The following FYN variants were observed in gnomAD, a reference collection of about 807,000 sequenced individuals.
FYN encodes the protein FYN proto-oncogene, Src family tyrosine kinase.
Under a neutral mutation model 70.2 loss-of-function variants are expected in FYN, and 10 were observed. The observed-to-expected ratio is 0.14, with a 90% CI of 0.09 to 0.24. The LOEUF (loss-of-function observed/expected upper bound fraction) is 0.24. FYN is among the 10% of genes least tolerant of loss of function. FYN has a pLI of 1.00. For synonymous variants in FYN, 236 were observed against 248.6 expected (o/e 0.95, Z 0.48); for missense variants, 319 against 673.1 (o/e 0.47, Z 5.82).
intron 1 of FYN, among the ~76,000 whole-genome samples, 153 bp downstream of exon 1, chr6:111,872,815 C>A (rs1189708722): frequency 6.6e-6 from 1 of 151,644 alleles, no homozygotes; most frequent in Non-Finnish European, 1.5e-5. Context: ...CCCCAAGCAC[C>A]GACTCCCCGG....
intron 3 of FYN, among the ~76,000 whole-genome samples, chr6:111,768,106 T>C (rs763658913): frequency 2.6e-5 from 4 of 152,218 alleles, no homozygotes; most frequent in Non-Finnish European, 4.4e-5. Flanking sequence ...AATATGTGCA[T>C]GTATGTGTGT....
chr6:111,761,767 T>G (rs1363665350), intron 3 of FYN, among the ~76,000 whole-genome samples: 3 of 152,132 alleles, frequency 2.0e-5, no homozygotes, highest in Non-Finnish European at 4.4e-5. Context: ...CAGTGGCTGC[T>G]GGGACCTCCA....
At chr6:111,765,193 T>C (rs1803182603) in intron 3 of FYN, among the ~76,000 whole-genome samples, 1 of 152,068 alleles carries the variant, frequency 6.6e-6, no homozygotes, top group Non-Finnish European at 1.5e-5. Context: ...CAGAAGAATT[T>C]TTATACCTAT....
intron 2 of FYN, among the ~76,000 whole-genome samples, chr6:111,831,163 T>A (rs1773005498): frequency 6.6e-6 from 1 of 152,140 alleles, no homozygotes; most frequent in African/African-American, 2.4e-5. Context: ...TTTGTTGGCA[T>A]TAAAATCCTC....
Position 111,694,541 on chromosome 6 carries a change from A to G in FYN, c.1120-13T>C. The G allele has an allele frequency of 6.2e-7, 1 of 1,614,130 alleles. No individual in the cohort carries two copies. Among genetic ancestry groups the G allele is most frequent in the Non-Finnish European group, 8.5e-7 (1 of 1,179,964 alleles). ...TTCCTGCAGCCACCTGTGGAAACCC[A>G]GGGAACAGGACATGTTACACCACGA... On this transcript the variant is annotated splice_polypyrimidine_tract_variant and intron_variant, in intron 11 of 13. Coordinates refer to ENST00000354650, the MANE Select transcript of FYN (RefSeq NM_002037.5). This position sits in a 1 kb window ranked among gnomAD's most constrained non-coding sequence, Gnocchi z 5.0.
chr6:111,846,647 A>G lies in FYN; in HGVS notation c.-122-18T>C, dbSNP rs1720511696. ...CAAAAAAACTGTAGAAGAAGAAAAAAAAAAGTGAGACATCAAAAGAGAACC... is the reference window on the plus strand; with the variant it reads ...CAAAAAAACTGTAGAAGAAGAAAAAGAAAAGTGAGACATCAAAAGAGAACC... On this transcript the variant is annotated intron_variant, in intron 1 of 13. Coordinates refer to ENST00000354650, the MANE Select transcript of FYN (RefSeq NM_002037.5). The G allele has an allele frequency of 7.5e-6, 3 of 398,856 alleles. No homozygotes were observed. The East Asian group carries it at 1.1e-4, about 14-fold the overall frequency. 24.7% of individuals were successfully genotyped at this position (398,856 alleles called of 1,614,324 possible). A position where few individuals can be genotyped will look rare whatever the true frequency, so the allele number is the denominator to read the frequency against.
chr6:111,787,400 G>C, intron 2 of FYN, among the ~76,000 whole-genome samples: 1 of 152,072 alleles, frequency 6.6e-6, no homozygotes, highest in Non-Finnish European at 1.5e-5. Flanking sequence ...ATTTCTGAGG[G>C]CTCTGTTGTG....
intron 6 of FYN, 46 bp from the exon 7 acceptor site, chr6:111,704,148 A>G: frequency 6.7e-7 from 1 of 1,500,966 alleles, no homozygotes; most frequent in Non-Finnish European, 9.3e-7. Context: ...ATAGTCATTT[A>G]CAAAATGCAA....
At position 111,707,997 on chromosome 6, in the gene FYN, C is replaced by T. The variant is rs763274490; in HGVS notation, c.368G>A (p.Arg123His). Reference protein sequence around the residue: ...NSSEGDWWEARSLTTGETGYI... With the variant: ...NSSEGDWWEAHSLTTGETGYI... ...ACCTGTCTCTCCAGTTGTCAAGGAG[C>T]GGGCTTCCCACCAATCTCCTTCCCT... Residue 123 changes from arginine (R) to histidine (H), a missense_variant, in exon 6 of 14, where the codon CGC becomes CAC. Physicochemically the swap from Arg to His is conservative, Grantham distance 29. Coordinates refer to ENST00000354650, the MANE Select transcript of FYN (RefSeq NM_002037.5). 14 of 1,613,578 alleles carry T rather than the reference C, an allele frequency of 8.7e-6. No individual in the cohort carries two copies. The highest frequency in any genetic ancestry group is 3.3e-4 in the Middle Eastern group (2 of 6,082).
chr6:111,669,438 C>CAAAAAAA (rs10690295), intron 13 of FYN, among the ~76,000 whole-genome samples: 74 of 56,762 alleles, frequency 1.3e-3, no homozygotes, highest in East Asian at 4.4e-3. Flanking sequence ...CCATCCATCT[C>CAAAAAAA]AAAAAAAAAA....
At chr6:111,793,046 A>G (rs4427030) in intron 2 of FYN, among the ~76,000 whole-genome samples, 46,405 of 152,156 alleles carry the variant, frequency 0.3, 11,405 homozygotes, top group African/African-American at 0.69. Context: ...CAATTAAAAA[A>G]AAATCATCTC....
intron 2 of FYN, among the ~76,000 whole-genome samples, chr6:111,812,150 C>G (rs1772345539): frequency 6.6e-6 from 1 of 152,198 alleles, no homozygotes; most frequent in Admixed American, 6.5e-5. Flanking sequence ...TAGAGCTAAA[C>G]TGGCTTAAGT....
chr6:111,856,437 G>C (rs1355117304), intron 1 of FYN, among the ~76,000 whole-genome samples: 1 of 151,192 alleles, frequency 6.6e-6, no homozygotes, highest in African/African-American at 2.5e-5. Flanking sequence ...CACTGGCATA[G>C]GTTAGTTAGA....
At chr6:111,860,687 T>A (rs1286274148) in intron 1 of FYN, among the ~76,000 whole-genome samples, 3 of 152,206 alleles carry the variant, frequency 2.0e-5, no homozygotes, top group Admixed American at 2.0e-4. Context: ...AACCTGTCCC[T>A]TTCCCAGGAG....
intron 3 of FYN, among the ~76,000 whole-genome samples, chr6:111,745,707 A>AAGGTGAGC (rs1802179067): frequency 6.6e-6 from 1 of 152,212 alleles, no homozygotes; most frequent in Non-Finnish European, 1.5e-5. Context: ...CTGGAGGGAG[A>AAGGTGAGC]AGGTGAGCAG....
intron 3 of FYN, among the ~76,000 whole-genome samples, chr6:111,739,389 T>C (rs763401753): frequency 2.0e-5 from 3 of 152,148 alleles, no homozygotes; most frequent in Non-Finnish European, 4.4e-5. Flanking sequence ...AAGGAGGACA[T>C]ACAGGGAGCC....
At chr6:111,793,957 A>AGG (rs1183529341) in intron 2 of FYN, 1 of 151,484 alleles carries the variant, frequency 6.6e-6, no homozygotes, top group Non-Finnish European at 1.5e-5. Flanking sequence ...GGCAGCCCCC[A>AGG]CAGGAAGTGA....
chr6:111,699,425 T>C (rs965764033), intron 9 of FYN: 3 of 1,389,682 alleles, frequency 2.2e-6, no homozygotes, highest in Non-Finnish European at 3.0e-6. Context: ...AGTGTCTTTG[T>C]CCCAACGGCT....
chr6:111,765,204 G>A lies in FYN; in HGVS notation c.-12+15362C>T, dbSNP rs142838909. 2.0e-5 allele frequency among the ~76,000 whole-genome samples: 3 copies of A among 152,244 alleles called. No homozygotes were observed. In the East Asian group the frequency reaches 5.8e-4, roughly 29 times the overall value. Reference sequence around the variant, plus strand: ...GGATCAGAAGAATTTTTATACCTATGTGTGATGGACTGAATTGTGTCCCCT... The same window carrying A: ...GGATCAGAAGAATTTTTATACCTATATGTGATGGACTGAATTGTGTCCCCT... On this transcript the variant is annotated intron_variant, in intron 3 of 13. Transcript: ENST00000354650.
Sources: allele counts gnomAD v4.1 joint callset (sites outside exome capture counted in the v4.1 genomes callset), GRCh38; gene constraint gnomAD v4.1.1; non-coding constraint Gnocchi (gnomAD v3.1); transcripts MANE v1.5; gene names NCBI Gene and HGNC (gene_info 2026-07-23, HGNC 2026-07-21).